Variants in BRD7 observed in about 807,000 individuals in gnomAD.
The protein encoded by BRD7 is bromodomain containing 7.
A neutral mutation model predicts 82.1 loss-of-function variants in BRD7; 15 were observed. The ratio of observed to expected loss-of-function variants is 0.18; its 90% CI spans 0.12 to 0.28. The LOEUF (loss-of-function observed/expected upper bound fraction) is 0.28. BRD7 is among the 10% of genes least tolerant of loss of function. BRD7 has a pLI of 1.00. For synonymous variants in BRD7, 232 were observed against 266.9 expected (o/e 0.87, Z 1.27); for missense variants, 638 against 779.9 (o/e 0.82, Z 2.17).
At chr16:50,325,250 T>G (rs1389484062) in intron 11 of BRD7, among the ~76,000 whole-genome samples, 4 of 152,150 alleles carry the variant, frequency 2.6e-5, no homozygotes, top group Non-Finnish European at 5.9e-5. Context: ...CACAGAAACA[T>G]GCAATAAAGA....
intron 4 of BRD7, among the ~76,000 whole-genome samples, chr16:50,353,946 A>G (rs548738701): frequency 4.4e-4 from 67 of 152,268 alleles, no homozygotes; most frequent in Admixed American, 4.1e-3. Flanking sequence ...CCCTTTTAAG[A>G]ACTCAACAGT....
chr16:50,363,130 T>C (rs2038993703), intron 2 of BRD7, among the ~76,000 whole-genome samples: 1 of 152,244 alleles, frequency 6.6e-6, no homozygotes, highest in Admixed American at 6.5e-5. Flanking sequence ...TTATTTCCTC[T>C]ACTGTGATTT....
chr16:50,352,124 T>C (rs1159738349), intron 4 of BRD7, among the ~76,000 whole-genome samples: 1 of 152,210 alleles, frequency 6.6e-6, no homozygotes, highest in Admixed American at 6.5e-5. Flanking sequence ...ATGAATCAAC[T>C]TTTTAAGATC....
Position 50,323,695 on chromosome 16 carries a change from G to A in BRD7, c.1335C>T (p.Ile445=). The change falls in exon 12 of 17, where the codon ATC becomes ATT. Residue 445 remains isoleucine (I), a synonymous_variant. Transcript: ENST00000394688. Reference sequence around the variant, plus strand: ...CTTGGCACGTGGCCAAAAACTCATGGATGCTGCAAGAGACAGTTAGGAAAG... The same window carrying A: ...CTTGGCACGTGGCCAAAAACTCATGAATGCTGCAAGAGACAGTTAGGAAAG... ...EDSDLPSDFS[I]HEFLATCQDY... 1.2e-6 allele frequency: 2 copies of A among 1,611,274 alleles called. No individual in the cohort carries two copies. The highest frequency in any genetic ancestry group is 2.2e-5 in the South Asian group (2 of 91,016).
chr16:50,347,702 AG>A (rs1160895950), intron 5 of BRD7, among the ~76,000 whole-genome samples: 4 of 152,226 alleles, frequency 2.6e-5, no homozygotes, highest in African/African-American at 9.6e-5. Context: ...CCAACTCACA[AG>A]GGATGTGAAG....
chr16:50,351,340 C>A (rs1161088656), intron 4 of BRD7, among the ~76,000 whole-genome samples: 1 of 152,184 alleles, frequency 6.6e-6, no homozygotes, highest in African/African-American at 2.4e-5. Context: ...TTTTTCACAG[C>A]AGGATGCCTA....
intron 5 of BRD7, among the ~76,000 whole-genome samples, chr16:50,345,808 G>A (rs186788586): frequency 3.2e-4 from 48 of 152,140 alleles, no homozygotes; most frequent in South Asian, 3.1e-3. Context: ...AGACTCACAC[G>A]CAATAATAAT....
intron 3 of BRD7, 143 bp downstream of exon 3, chr16:50,354,650 T>G: frequency 7.9e-7 from 1 of 1,270,566 alleles, no homozygotes; most frequent in Non-Finnish European, 1.1e-6. Context: ...GAAGCTAATT[T>G]AAAGCTCTTA....
intron 2 of BRD7, among the ~76,000 whole-genome samples, chr16:50,360,172 T>C (rs1214857116): frequency 6.6e-6 from 1 of 152,226 alleles, no homozygotes; most frequent in Non-Finnish European, 1.5e-5. Context: ...CTTGTCTTAT[T>C]CAGCTCCATA....
At chr16:50,363,672 CGT>C (rs1203931478) in intron 2 of BRD7, among the ~76,000 whole-genome samples, 827 of 63,472 alleles carry the variant, frequency 0.013, 3 homozygotes, top group Middle Eastern at 0.027. Flanking sequence ...CGCGCGCGCG[CGT>C]GCGCGTGTGC....
chr16:50,351,832 TTGTA>T (rs374839523), intron 4 of BRD7, among the ~76,000 whole-genome samples: 14 of 152,042 alleles, frequency 9.2e-5, no homozygotes, highest in Admixed American at 5.2e-4. Flanking sequence ...CGGTGTATCC[TTGTA>T]TGTATGTATG....
chr16:50,337,813 G>A (rs1474425983), intron 6 of BRD7, among the ~76,000 whole-genome samples: 1 of 152,026 alleles, frequency 6.6e-6, no homozygotes, highest in Non-Finnish European at 1.5e-5. Context: ...CTGTAGGGTG[G>A]AGAGAACAGT....
At chr16:50,340,531 A>G (rs1488617634) in intron 5 of BRD7, among the ~76,000 whole-genome samples, 1 of 152,246 alleles carries the variant, frequency 6.6e-6, no homozygotes, top group East Asian at 1.9e-4. Flanking sequence ...ATTTTATTTC[A>G]GATCTTGACT....
chr16:50,320,922 A>C (rs1249914054), intron 13 of BRD7, 148 bp from the exon 14 acceptor site: 2 of 637,794 alleles, frequency 3.1e-6, no homozygotes, highest in Non-Finnish European at 5.6e-6. Context: ...ACAGAAAATG[A>C]ATTTCCAGAA....
rs35799832 is a variant in BRD7 at position 50,368,282 on chromosome 16, G to C, written c.66C>G (p.Pro22=). The change falls in exon 2 of 17, where the codon CCC becomes CCG. Residue 22 remains proline (P), a synonymous_variant. Transcript: ENST00000394688. ...KHLYEEYVEK[P]LKLVLKVGGN... ...CTCCTACTTTGAGGACCAGCTTCAA[G>C]GGCTTCTCTACATACTCTTAAAAAA... 1 of 1,614,112 alleles carries C rather than the reference G, an allele frequency of 6.2e-7. No homozygotes were observed. Among genetic ancestry groups the C allele is most frequent in the Non-Finnish European group, 8.5e-7 (1 of 1,180,020 alleles).
At chr16:50,362,782 G>A (rs2038981384) in intron 2 of BRD7, among the ~76,000 whole-genome samples, 1 of 152,174 alleles carries the variant, frequency 6.6e-6, no homozygotes, top group Admixed American at 6.5e-5. Flanking sequence ...AAGGTCTGAG[G>A]AGAGGGAGAA....
intron 12 of BRD7, among the ~76,000 whole-genome samples, chr16:50,322,753 C>A (rs1235124181): frequency 6.6e-6 from 1 of 152,138 alleles, no homozygotes; most frequent in East Asian, 1.9e-4. Context: ...ACTATTAATT[C>A]ATTCAGATTA....
intron 5 of BRD7, among the ~76,000 whole-genome samples, chr16:50,343,805 A>G (rs2038170520): frequency 6.6e-6 from 1 of 152,182 alleles, no homozygotes; most frequent in Non-Finnish European, 1.5e-5. Flanking sequence ...GCCACCGGGA[A>G]GCTCGAACTG....
chr16:50,354,394 T>C (rs2038653536), intron 4 of BRD7, 31 bp downstream of exon 4: 2 of 1,569,712 alleles, frequency 1.3e-6, no homozygotes, highest in Admixed American at 1.7e-5. Flanking sequence ...TTTTAATTTC[T>C]ATGTTATAAA....
Sources: allele counts gnomAD v4.1 joint callset (sites outside exome capture counted in the v4.1 genomes callset), GRCh38; gene constraint gnomAD v4.1.1; transcripts MANE v1.5; gene names NCBI Gene and HGNC (gene_info 2026-07-23, HGNC 2026-07-21).